The following MADD variants were observed in gnomAD, a reference collection of about 807,000 sequenced individuals.
The protein encoded by MADD is MAP kinase-activating death domain protein.
MADD carries 109 observed loss-of-function variants against 176.7 expected under a neutral mutation model. The observed-to-expected ratio is 0.62, with a 90% CI of 0.53 to 0.72. The LOEUF is 0.72. MADD is among the 30% of genes least tolerant of loss of function. MADD has a pLI of 0.00. For missense variants in MADD, 1,914 were observed against 2,045.5 expected (o/e 0.94, Z 1.24); for synonymous variants, 771 against 771.3 (o/e 1.00, Z 0.01).
rs563933042 is a variant in MADD, at chr11:47,303,630, C to T, written c.3643-4961C>T. 2.7e-4 allele frequency among the ~76,000 whole-genome samples: 30 copies of T among 110,272 alleles called. No individual in the cohort carries two copies. In the East Asian group the frequency reaches 6.1e-3, roughly 22 times the overall value. 72.3% of individuals were successfully genotyped at this position (110,272 alleles called of 152,430 possible). A position where few individuals can be genotyped will look rare whatever the true frequency, so the allele number is the denominator to read the frequency against. On this transcript the variant is annotated intron_variant, in intron 22 of 32. Transcript: ENST00000402192. ...GCCTTTTTTTTTTTTTTTTTTGAGACAGTCTCACTCTGTCACCCAGGCTGG... is the reference window on the plus strand; with the variant it reads ...GCCTTTTTTTTTTTTTTTTTTGAGATAGTCTCACTCTGTCACCCAGGCTGG...
intron 7 of MADD, 119 bp downstream of exon 7, chr11:47,279,198 C>A: frequency 1.1e-6 from 1 of 902,092 alleles, no homozygotes; most frequent in Non-Finnish European, 1.7e-6. Context: ...TTTTCTTCAC[C>A]CTGGATGGGC....
In MADD at chr11:47,294,603, G is replaced by A. The variant is rs1344998640; in HGVS notation, c.3402+620G>A. Among the ~76,000 whole-genome samples the A allele has an allele frequency of 2.8e-5, 4 of 143,098 alleles. No homozygotes were observed. In the Admixed American group the frequency reaches 2.9e-4, roughly 10 times the overall value. The allele number at this position is 143,098 out of a possible 152,430, so 93.9% of individuals were successfully genotyped here. A position where few individuals can be genotyped will look rare whatever the true frequency, so the allele number is the denominator to read the frequency against. ...GAGAATCACTGGAACCCGGGAGGCA[G>A]AGGTTGCAGCGAGCTGAGATTGCGC... is the stretch of plus-strand genomic sequence containing the variant. On this transcript the variant is annotated intron_variant, in intron 20 of 32. Coordinates refer to ENST00000402192, the Ensembl canonical transcript of MADD.
chr11:47,275,453 A>C (rs1312489076), intron 3 of MADD, among the ~76,000 whole-genome samples: 2 of 152,056 alleles, frequency 1.3e-5, no homozygotes, highest in African/African-American at 4.8e-5. Context: ...CACCATGACC[A>C]GCTAATTTTG....
At chr11:47,303,869 A>G (rs535376804) in intron 22 of MADD, among the ~76,000 whole-genome samples, 2 of 152,118 alleles carry the variant, frequency 1.3e-5, no homozygotes, top group East Asian at 3.9e-4. Flanking sequence ...TGGCCTCCCA[A>G]AGTGCTGGGA....
chr11:47,275,483 G>T (rs1266122111), intron 3 of MADD, among the ~76,000 whole-genome samples: 8 of 152,192 alleles, frequency 5.3e-5, no homozygotes, highest in East Asian at 3.8e-4. Context: ...TAGAGACAAG[G>T]TTTCGCCATG....
chr11:47,327,262 T>C, intron 31 of MADD: 1 of 994,208 alleles, frequency 1.0e-6, no homozygotes, highest in Non-Finnish European at 1.2e-6. Flanking sequence ...GCACCGGGCG[T>C]CGCAGGCAGA....
exon 6 of MADD, chr11:47,278,218 C>T (rs2136671262): frequency 6.2e-7 from 1 of 1,614,138 alleles, no homozygotes. Context: ...GCTTCTTCCT[C>T]TACAAACTGG....
At chr11:47,279,114 T>C (rs771688005) in intron 7 of MADD, 35 bp downstream of exon 7, 25 of 1,589,592 alleles carry the variant, frequency 1.6e-5, no homozygotes, top group Non-Finnish European at 2.1e-5. Context: ...AGGGGAGTAT[T>C]AGATGCTGTG....
At chr11:47,281,777 T>TCA in intron 8 of MADD, 24 bp downstream of exon 8, 1 of 1,534,696 alleles carries the variant, frequency 6.5e-7, no homozygotes, top group Non-Finnish European at 8.8e-7. Flanking sequence ...GACTGTATAA[T>TCA]CACAAGTTCT....
At chr11:47,282,017 T>C (rs1036003795) in intron 8 of MADD, among the ~76,000 whole-genome samples, 17 of 152,014 alleles carry the variant, frequency 1.1e-4, no homozygotes, top group Non-Finnish European at 2.2e-4. Context: ...ACATTTTTAG[T>C]AGAGACGGGG....
chr11:47,309,111 C>T, intron 23 of MADD, 69 bp downstream of exon 26: 1 of 1,570,428 alleles, frequency 6.4e-7, no homozygotes, highest in Admixed American at 1.7e-5. Context: ...TACTTGGAGG[C>T]ATCTGGGGCT....
chr11:47,288,623 G>T (rs2062676093), intron 15 of MADD, among the ~76,000 whole-genome samples: 1 of 152,206 alleles, frequency 6.6e-6, no homozygotes, highest in Non-Finnish European at 1.5e-5. Flanking sequence ...TGCAAGATGG[G>T]TTGCTTCCCT....
intron 22 of MADD, among the ~76,000 whole-genome samples, chr11:47,299,250 A>C (rs1045424333): frequency 1.6e-4 from 25 of 152,168 alleles, no homozygotes; most frequent in African/African-American, 6.0e-4. Flanking sequence ...TCTGTAGATC[A>C]CTTTTGGTAG....
chr11:47,312,322 C>T (rs1012014409), intron 26 of MADD, among the ~76,000 whole-genome samples: 1 of 152,230 alleles, frequency 6.6e-6, no homozygotes, highest in African/African-American at 2.4e-5. Flanking sequence ...AATCTTGGCT[C>T]ACTGCAACCT....
At chr11:47,328,973 C>T in intron 32 of MADD, 73 bp from the exon 37 acceptor site, 1 of 1,294,540 alleles carries the variant, frequency 7.7e-7, no homozygotes, top group Middle Eastern at 1.8e-4. Context: ...AGGAGTTGCC[C>T]ATTGGCAGAT....
intron 19 of MADD, among the ~76,000 whole-genome samples, chr11:47,291,311 A>G (rs1309959010): frequency 6.6e-6 from 1 of 152,130 alleles, no homozygotes; most frequent in Non-Finnish European, 1.5e-5. Context: ...TCTTTGAGGT[A>G]TAGGTTTCCA....
At chr11:47,270,162 G>A (rs1958902587) in exon 1 of MADD, 1 of 152,056 alleles carries the variant, frequency 6.6e-6, no homozygotes, top group South Asian at 2.1e-4. Context: ...CGCCCGCTCG[G>A]AGCGGCGCCG....
At chr11:47,293,947 C>T (rs149781613) in exon 20 of MADD, 42 of 1,614,152 alleles carry the variant, frequency 2.6e-5, no homozygotes, top group Non-Finnish European at 3.4e-5. Flanking sequence ...CCCAGATCAG[C>T]GCAGACAGTG....
chr11:47,317,040 G>A (rs1010245654), intron 27 of MADD, among the ~76,000 whole-genome samples: 5 of 152,178 alleles, frequency 3.3e-5, no homozygotes, highest in Non-Finnish European at 7.3e-5. Flanking sequence ...CACCCCGCCT[G>A]GCCTATTTTT....
Sources: gnomAD v4.1 joint callset for allele counts (sites outside exome capture counted in the v4.1 genomes callset) on GRCh38, gnomAD v4.1.1 for gene constraint, MANE v1.5 for transcripts, NCBI Gene and HGNC (gene_info 2026-07-23, HGNC 2026-07-21) for gene names.